SUPT20H: variants seen among roughly 807,000 people sequenced by gnomAD.
The protein encoded by SUPT20H is transcription factor SPT20 homolog.
A neutral mutation model predicts 122.8 loss-of-function variants in SUPT20H; 82 were observed. The observed-to-expected ratio is 0.67, with a 90% CI of 0.56 to 0.80. The LOEUF (loss-of-function observed/expected upper bound fraction) is 0.80. SUPT20H is among the 30% of genes least tolerant of loss of function. The probability of loss-of-function intolerance (pLI) is 0.00; values close to 1 mark genes in which losing one functional copy is unlikely to be tolerated. For missense variants in SUPT20H, 831 were observed against 921.6 expected (o/e 0.90, Z 1.27); for synonymous variants, 291 against 313.0 (o/e 0.93, Z 0.74).
At chr13:37,014,932 T>C (rs2060181212) in intron 23 of SUPT20H, among the ~76,000 whole-genome samples, 1 of 152,144 alleles carries the variant, frequency 6.6e-6, no homozygotes, top group Non-Finnish European at 1.5e-5. Flanking sequence ...CTAGGCAAAC[T>C]GCTTAAATAA....
intron 1 of SUPT20H, among the ~76,000 whole-genome samples, chr13:37,055,352 C>T (rs1256226266): frequency 1.3e-5 from 2 of 151,998 alleles, no homozygotes; most frequent in East Asian, 3.9e-4. Flanking sequence ...CATCACGCTA[C>T]CTGACTTCAA....
intron 21 of SUPT20H, among the ~76,000 whole-genome samples, chr13:37,020,755 T>G (rs2061356289): frequency 6.6e-6 from 1 of 152,162 alleles, no homozygotes; most frequent in Admixed American, 6.6e-5. Context: ...CCTATTACAT[T>G]TTTCTTCAAG....
intron 1 of SUPT20H, among the ~76,000 whole-genome samples, chr13:37,053,395 C>A (rs1162211521): frequency 6.6e-6 from 1 of 152,020 alleles, no homozygotes; most frequent in East Asian, 1.9e-4. Context: ...ATTCTGGAAA[C>A]CATCATCCTC....
chr13:37,031,290 T>C (rs981838504), intron 12 of SUPT20H, among the ~76,000 whole-genome samples: 1 of 152,134 alleles, frequency 6.6e-6, no homozygotes, highest in Non-Finnish European at 1.5e-5. Context: ...TTTTTCCAAT[T>C]TTAAAATTGT....
intron 9 of SUPT20H, chr13:37,039,125 C>G (rs1011662324): frequency 2.6e-5 from 4 of 152,060 alleles, no homozygotes; most frequent in African/African-American, 9.7e-5. Flanking sequence ...TGAAGAGGAC[C>G]AATGATTAAC....
At chr13:37,016,362 G>A (rs2060495194) in intron 23 of SUPT20H, among the ~76,000 whole-genome samples, 1 of 151,810 alleles carries the variant, frequency 6.6e-6, no homozygotes, top group Non-Finnish European at 1.5e-5. Context: ...CCCAGGAGGT[G>A]GAGGTTGCAG....
intron 2 of SUPT20H, among the ~76,000 whole-genome samples, chr13:37,050,578 T>C (rs962031943): frequency 2.6e-5 from 4 of 152,186 alleles, no homozygotes; most frequent in African/African-American, 7.2e-5. Context: ...ATATATAGTC[T>C]AGGACAATTT....
At chr13:37,048,022 G>GATAATA in intron 3 of SUPT20H, 86 bp from the exon 4 acceptor site, 1 of 868,602 alleles carries the variant, frequency 1.2e-6, no homozygotes, top group South Asian at 2.5e-5. Flanking sequence ...ACATACGTAA[G>GATAATA]GCTAAAAAGG....
intron 1 of SUPT20H, among the ~76,000 whole-genome samples, chr13:37,054,763 C>A (rs1011368445): frequency 3.9e-5 from 6 of 152,070 alleles, no homozygotes; most frequent in Non-Finnish European, 8.8e-5. Context: ...GAAGTTCTGG[C>A]CAGGGCAATT....
chr13:37,009,764 C>T lies in SUPT20H; in HGVS notation c.2248G>A (p.Ala750Thr). 6.2e-7 allele frequency: 1 copy of T among 1,610,652 alleles called. No homozygotes were observed. The highest frequency in any genetic ancestry group is 8.5e-7 in the Non-Finnish European group (1 of 1,178,340). Reference sequence around the variant, plus strand: ...TGATGATGTAGCTGAGCTGTTTGTGCTGCTGCTGCTGCCATAGCCATTTGA... The same window carrying T: ...TGATGATGTAGCTGAGCTGTTTGTGTTGCTGCTGCTGCCATAGCCATTTGA... ...QHQMAMAAAA[A>T]QTAQLHHHRH... is the part of the protein sequence containing the mutation. Residue 750 changes from alanine (A) to threonine (T), a missense_variant, in exon 26 of 26, where the codon GCA becomes ACA. Physicochemically the swap from Ala to Thr is moderately conservative, Grantham distance 58. Coordinates refer to ENST00000350612, the MANE Select transcript of SUPT20H (RefSeq NM_001014286.3).
intron 19 of SUPT20H, 45 bp downstream of exon 19, chr13:37,023,990 C>A: frequency 1.9e-6 from 3 of 1,562,166 alleles, no homozygotes; most frequent in Non-Finnish European, 2.6e-6. Flanking sequence ...AACACTAATG[C>A]AAAAGCTTAT....
chr13:37,023,941 A>T, intron 19 of SUPT20H, 94 bp downstream of exon 19: 1 of 1,343,122 alleles, frequency 7.4e-7, no homozygotes. Flanking sequence ...GTACATTCAG[A>T]TATCACTACT....
At chr13:37,054,245 G>A (rs1191173305) in intron 1 of SUPT20H, among the ~76,000 whole-genome samples, 3 of 152,094 alleles carry the variant, frequency 2.0e-5, no homozygotes, top group Non-Finnish European at 4.4e-5. Flanking sequence ...GGAAAAAGAG[G>A]GAATCCTCCC....
intron 23 of SUPT20H, 106 bp from the exon 24 acceptor site, chr13:37,012,403 T>C: frequency 1.4e-6 from 1 of 739,826 alleles, no homozygotes; most frequent in South Asian, 1.9e-5. Flanking sequence ...AGTATTAGAC[T>C]AGTCTTGTAA....
At chr13:37,039,513 T>C (rs1373007408) in intron 9 of SUPT20H, 1 of 152,118 alleles carries the variant, frequency 6.6e-6, no homozygotes, top group Non-Finnish European at 1.5e-5. Flanking sequence ...TTATTATGAG[T>C]GTTTTGAGAA....
chr13:37,021,979 A>G (rs1231215986), intron 20 of SUPT20H, 32 bp downstream of exon 20: 3 of 1,524,706 alleles, frequency 2.0e-6, no homozygotes, highest in Non-Finnish European at 2.6e-6. Flanking sequence ...TATCTTTATA[A>G]AAAAAAAATC....
At chr13:37,055,371 A>G (rs1204390890) in intron 1 of SUPT20H, among the ~76,000 whole-genome samples, 1 of 152,134 alleles carries the variant, frequency 6.6e-6, no homozygotes, top group Non-Finnish European at 1.5e-5. Flanking sequence ...AAACTATACT[A>G]CAAGGCTACA....
At chr13:37,037,114 T>G (rs1354101301) in intron 9 of SUPT20H, among the ~76,000 whole-genome samples, 1 of 151,510 alleles carries the variant, frequency 6.6e-6, no homozygotes, top group Non-Finnish European at 1.5e-5. Context: ...GGAGGATCAC[T>G]TGAGCCTAGG....
intron 23 of SUPT20H, among the ~76,000 whole-genome samples, chr13:37,015,724 T>C (rs964061594): frequency 8.5e-5 from 13 of 152,178 alleles, no homozygotes; most frequent in Non-Finnish European, 1.8e-4. Context: ...GAGATAATTG[T>C]ACACTCACAC....
Sources: allele counts gnomAD v4.1 joint callset (sites outside exome capture counted in the v4.1 genomes callset), GRCh38; gene constraint gnomAD v4.1.1; transcripts MANE v1.5; gene names NCBI Gene and HGNC (gene_info 2026-07-23, HGNC 2026-07-21).